Variants in MORC1 observed in about 807,000 individuals in gnomAD.
MORC1 encodes MORC family CW-type zinc finger protein 1.
Under a neutral mutation model 134.9 loss-of-function variants are expected in MORC1, and 59 were observed. The observed-to-expected ratio is 0.44, with a 90% CI of 0.35 to 0.54. MORC1 has a LOEUF of 0.54. MORC1 is among the 20% of genes least tolerant of loss of function. The pLI, the probability that MORC1 is intolerant of heterozygous loss-of-function variation, is 0.00. For missense variants in MORC1, 947 were observed against 1,134.5 expected (o/e 0.83, Z 2.37); for synonymous variants, 395 against 391.7 (o/e 1.01, Z -0.10).
At chr3:108,998,977 G>T (rs757642997) in intron 21 of MORC1, among the ~76,000 whole-genome samples, 8 of 152,202 alleles carry the variant, frequency 5.3e-5, no homozygotes, top group Non-Finnish European at 1.0e-4. Context: ...AGGTGACAAA[G>T]TAAGGGCTCC....
intron 14 of MORC1, among the ~76,000 whole-genome samples, chr3:109,051,164 TAGC>T (rs918045566): frequency 1.3e-5 from 2 of 152,222 alleles, no homozygotes; most frequent in African/African-American, 4.8e-5. Context: ...CTGAGATTGT[TAGC>T]ATCAGCTGGG....
chr3:109,094,274 G>A (rs1950786614), intron 7 of MORC1, among the ~76,000 whole-genome samples: 1 of 152,132 alleles, frequency 6.6e-6, no homozygotes, highest in African/African-American at 2.4e-5. Context: ...AGTCAAACAG[G>A]ATCATTAGAG....
chr3:108,995,419 A>T (rs1299968218), intron 21 of MORC1, among the ~76,000 whole-genome samples: 1 of 152,246 alleles, frequency 6.6e-6, no homozygotes, highest in Non-Finnish European at 1.5e-5. Context: ...CCCACTATTC[A>T]TTAAAAAACA....
intron 23 of MORC1, among the ~76,000 whole-genome samples, chr3:108,982,139 G>A (rs1947742986): frequency 6.6e-6 from 1 of 152,160 alleles, no homozygotes; most frequent in Non-Finnish European, 1.5e-5. Context: ...GCAGCCAACA[G>A]ACACATGAAA....
At chr3:109,025,362 GTTTC>G (rs1188251034) in intron 17 of MORC1, among the ~76,000 whole-genome samples, 1 of 126,684 alleles carries the variant, frequency 7.9e-6, no homozygotes, top group East Asian at 2.3e-4. Flanking sequence ...ACTTTCTTTG[GTTTC>G]TTTTTCTTTT....
At chr3:109,089,117 C>T (rs1220906404) in intron 8 of MORC1, among the ~76,000 whole-genome samples, 2 of 151,968 alleles carry the variant, frequency 1.3e-5, no homozygotes, top group Non-Finnish European at 2.9e-5. Context: ...GGCTATTGGG[C>T]TTAATACCTG....
Position 109,086,512 on chromosome 3 carries a change from G to A in MORC1, c.689+6924C>T, listed in dbSNP as rs139773337. 3.4e-3 allele frequency among the ~76,000 whole-genome samples: 512 copies of A among 152,044 alleles called. 12 individuals carry two copies. The highest frequency in any genetic ancestry group is 0.012 in the African/African-American group (491 of 41,470). On this transcript the variant is annotated intron_variant, in intron 8 of 27. Coordinates refer to ENST00000232603, the MANE Select transcript of MORC1 (RefSeq NM_014429.4). The stretch of plus-strand genomic sequence containing the variant: ...CCTGATGGATTGTGTTCATGCCCTG[G>A]TTCGCGTCCTGGTTATCATATTGTA...
At chr3:109,064,033 T>G (rs1189391967) in intron 9 of MORC1, among the ~76,000 whole-genome samples, 1 of 152,120 alleles carries the variant, frequency 6.6e-6, no homozygotes, top group Non-Finnish European at 1.5e-5. Flanking sequence ...AAATAAATCA[T>G]AGTGCTATGC....
intron 8 of MORC1, among the ~76,000 whole-genome samples, chr3:109,089,119 T>G (rs115339209): frequency 0.032 from 4,940 of 152,120 alleles, 278 homozygotes; most frequent in African/African-American, 0.11. Context: ...CTATTGGGCT[T>G]AATACCTGAG....
chr3:109,093,582 T>C, intron 7 of MORC1, 41 bp from the exon 8 acceptor site: 2 of 1,348,328 alleles, frequency 1.5e-6, no homozygotes, highest in African/African-American at 1.4e-5. Flanking sequence ...GTATTTTAAA[T>C]ACACTAAATG....
At chr3:109,043,221 T>C (rs949339029) in intron 14 of MORC1, among the ~76,000 whole-genome samples, 4 of 148,560 alleles carry the variant, frequency 2.7e-5, no homozygotes, top group African/African-American at 7.4e-5. Context: ...CAGAATATTA[T>C]TCAGCCTTAA....
intron 10 of MORC1, 53 bp from the exon 11 acceptor site, chr3:109,062,111 T>A: frequency 6.6e-7 from 1 of 1,513,090 alleles, no homozygotes; most frequent in Non-Finnish European, 9.2e-7. Context: ...TCAAGCAATT[T>A]TAAGTGAGTA....
At chr3:109,018,533 C>G (rs1168291243) in intron 17 of MORC1, among the ~76,000 whole-genome samples, 1 of 151,998 alleles carries the variant, frequency 6.6e-6, no homozygotes, top group Non-Finnish European at 1.5e-5. Flanking sequence ...AGGGCCCTTC[C>G]CAAAGAGCAA....
intron 7 of MORC1, 145 bp downstream of exon 7, chr3:109,094,764 A>C: frequency 2.7e-6 from 2 of 734,522 alleles, no homozygotes; most frequent in Non-Finnish European, 4.1e-6. Context: ...GACAAAGCTC[A>C]TATGGATAAA....
At chr3:109,095,611 G>A (rs779431837) in intron 6 of MORC1, among the ~76,000 whole-genome samples, 17 of 152,168 alleles carry the variant, frequency 1.1e-4, no homozygotes, top group Non-Finnish European at 2.1e-4. Context: ...TGGATTTCTA[G>A]ACTGGAAGAC....
chr3:109,079,256 G>A (rs530279805), intron 8 of MORC1, among the ~76,000 whole-genome samples: 1 of 152,094 alleles, frequency 6.6e-6, no homozygotes, highest in Non-Finnish European at 1.5e-5. Context: ...TCATGTAAAA[G>A]AATAATACAT....
rs1457263981 is a variant in MORC1, at chr3:108,958,513, T to C, written c.*452A>G. Reference sequence around the variant, plus strand: ...CTGCTTGACTGAGTGTTGGCTATAGTGGAGAAAGGGCATAATGTCTTTCTT... The same window carrying C: ...CTGCTTGACTGAGTGTTGGCTATAGCGGAGAAAGGGCATAATGTCTTTCTT... On this transcript the variant is annotated 3_prime_UTR_variant, in exon 28 of 28. Transcript: ENST00000232603. 4.6e-5 allele frequency: 7 copies of C among 152,140 alleles called. No homozygotes were observed. Among genetic ancestry groups the C allele is most frequent in the Admixed American group, 4.6e-4 (7 of 15,254 alleles). 9.4% of individuals were successfully genotyped at this position (152,140 alleles called of 1,614,324 possible).
intron 26 of MORC1, among the ~76,000 whole-genome samples, chr3:108,964,633 T>C (rs1270236175): frequency 8.5e-5 from 13 of 152,202 alleles, no homozygotes; most frequent in Admixed American, 8.5e-4. Context: ...GTTTAATAAA[T>C]ATTCACTAAC....
chr3:108,985,065 A>T (rs1947860813), intron 22 of MORC1, among the ~76,000 whole-genome samples: 2 of 152,150 alleles, frequency 1.3e-5, no homozygotes, highest in African/African-American at 4.8e-5. Context: ...CTGGAGTATG[A>T]TCAGAACTGT....
Sources: allele counts gnomAD v4.1 joint callset (sites outside exome capture counted in the v4.1 genomes callset), GRCh38; gene constraint gnomAD v4.1.1; transcripts MANE v1.5; gene names NCBI Gene and HGNC (gene_info 2026-07-23, HGNC 2026-07-21).